Variants in MYT1L observed in about 807,000 individuals in gnomAD.
MYT1L encodes myelin transcription factor 1 like, also known as myelin transcription factor 1-like protein.
MYT1L carries 12 observed loss-of-function variants against 126.7 expected under a neutral mutation model. The ratio of observed to expected loss-of-function variants is 0.09; its 90% CI spans 0.06 to 0.15. The LOEUF (loss-of-function observed/expected upper bound fraction) is 0.15. Ranked by LOEUF, MYT1L falls within the 10% of genes least tolerant of loss-of-function variation. The pLI, the probability that MYT1L is intolerant of heterozygous loss-of-function variation, is 1.00. For missense variants in MYT1L, 979 were observed against 1,585.2 expected, an observed-to-expected ratio of 0.62 and a Z score of 6.49; for synonymous variants, 541 against 604.2, an observed-to-expected ratio of 0.90 and a Z score of 1.53.
At chr2:2,115,761 C>T (rs575189856) in intron 3 of MYT1L, among the ~76,000 whole-genome samples, 12 of 152,290 alleles carry the variant, frequency 7.9e-5, no homozygotes, top group African/African-American at 2.6e-4. Flanking sequence ...GTGGGGACAG[C>T]GGGAGAGCTG....
At chr2:2,121,017 A>AC (rs1298974406) in intron 3 of MYT1L, among the ~76,000 whole-genome samples, 2 of 152,144 alleles carry the variant, frequency 1.3e-5, no homozygotes, top group Non-Finnish European at 2.9e-5. Flanking sequence ...GCGCGGAGGA[A>AC]CCAGCGCCCA....
At chr2:1,871,116 A>C (rs528579751) in intron 18 of MYT1L, among the ~76,000 whole-genome samples, 1 of 152,378 alleles carries the variant, frequency 6.6e-6, no homozygotes, top group East Asian at 1.9e-4. Flanking sequence ...GAGTCGGTCT[A>C]ATCCGTGGCC....
intron 1 of MYT1L, among the ~76,000 whole-genome samples, chr2:2,301,649 T>G (rs1290631227): frequency 1.3e-5 from 2 of 151,968 alleles, no homozygotes; most frequent in East Asian, 1.9e-4. Context: ...GGCATTATAG[T>G]GAGACCCCAT....
At chr2:2,274,158 C>T (rs1037003349) in intron 2 of MYT1L, among the ~76,000 whole-genome samples, 2 of 152,080 alleles carry the variant, frequency 1.3e-5, no homozygotes, top group African/African-American at 4.8e-5. Context: ...ATGTTCCCAA[C>T]ACAGAAATGA....
chr2:2,226,225 G>A (rs781459349), intron 2 of MYT1L, among the ~76,000 whole-genome samples: 35 of 152,156 alleles, frequency 2.3e-4, no homozygotes, highest in Non-Finnish European at 4.6e-4. Context: ...GCCTGCCAGG[G>A]TGTTTGCTGA....
chr2:2,198,498 ATG>A (rs1482242473), intron 2 of MYT1L, among the ~76,000 whole-genome samples: 1 of 152,190 alleles, frequency 6.6e-6, no homozygotes, highest in Non-Finnish European at 1.5e-5. Context: ...TCATGATACT[ATG>A]TATATACGCA....
chr2:2,199,171 T>C (rs1055561913), intron 2 of MYT1L, among the ~76,000 whole-genome samples: 24 of 152,224 alleles, frequency 1.6e-4, no homozygotes, highest in Admixed American at 4.6e-4. Context: ...TTTACAAACA[T>C]TGTCCTTAAT....
chr2:1,793,553 C>T lies in MYT1L; in HGVS notation c.3277-1089G>A, dbSNP rs2032708308. 6.6e-6 allele frequency among the ~76,000 whole-genome samples: 1 copy of T among 152,204 alleles called. No individual in the cohort carries two copies. The highest frequency in any genetic ancestry group is 1.5e-5 in the Non-Finnish European group (1 of 68,046). Reference sequence around the variant, plus strand: ...CTGCCTTCTCCTATGTTCTGGCCCTCCCTTGGCTGTACTGGGTCAAATCCC... The same window carrying T: ...CTGCCTTCTCCTATGTTCTGGCCCTTCCTTGGCTGTACTGGGTCAAATCCC... On this transcript the variant is annotated intron_variant, in intron 23 of 24. Transcript: ENST00000647738. The surrounding 1 kb of genome is among the most constrained non-coding windows in gnomAD (Gnocchi z 4.6).
chr2:1,863,744 G>T (rs1411477440), intron 18 of MYT1L, among the ~76,000 whole-genome samples: 1 of 150,524 alleles, frequency 6.6e-6, no homozygotes, highest in Non-Finnish European at 1.5e-5. Flanking sequence ...ACAAAAAAGG[G>T]GGGGGCATTT....
At chr2:2,115,687 G>A (rs1330446385) in intron 3 of MYT1L, among the ~76,000 whole-genome samples, 3 of 152,240 alleles carry the variant, frequency 2.0e-5, no homozygotes, top group African/African-American at 7.2e-5. Context: ...TCTGTGGCTC[G>A]GTCTTGTGCG....
chr2:2,286,678 G>T (rs1031989438), intron 1 of MYT1L, among the ~76,000 whole-genome samples: 1 of 152,080 alleles, frequency 6.6e-6, no homozygotes, highest in Non-Finnish European at 1.5e-5. Context: ...GGCCTCACAT[G>T]GTTTGCTACA....
At chr2:2,042,632 T>A (rs1419613019) in intron 4 of MYT1L, among the ~76,000 whole-genome samples, 1 of 151,986 alleles carries the variant, frequency 6.6e-6, no homozygotes, top group Non-Finnish European at 1.5e-5. Flanking sequence ...GGCAGAAATT[T>A]AAAAGGGCCT....
intron 4 of MYT1L, among the ~76,000 whole-genome samples, chr2:2,029,263 C>A (rs989288742): frequency 1.3e-5 from 2 of 152,144 alleles, no homozygotes; most frequent in African/African-American, 4.8e-5. Context: ...GTGTATTCAT[C>A]CATTCGCATG....
chr2:2,176,301 C>A (rs2090762522), intron 2 of MYT1L, among the ~76,000 whole-genome samples: 3 of 152,064 alleles, frequency 2.0e-5, no homozygotes, highest in Admixed American at 2.0e-4. Flanking sequence ...TAAAATCACC[C>A]TTCTCGTTTT....
In MYT1L at chr2:1,811,073, G is replaced by C. The variant is rs574332399; in HGVS notation, c.3081-1906C>G. On this transcript the variant is annotated intron_variant, in intron 21 of 24. Coordinates refer to ENST00000647738, the MANE Select transcript of MYT1L (RefSeq NM_001303052.2). This position sits in a 1 kb window ranked among gnomAD's most constrained non-coding sequence, Gnocchi z 4.4. ...TAACCCCTTCTCCCATGTGAGGACA[G>C]AGTGAGAAGGCGTCGTCCACCAACC... is the stretch of plus-strand genomic sequence containing the variant. 9 of 152,296 alleles carry C rather than the reference G, an allele frequency of 5.9e-5. No homozygotes were observed. The East Asian group carries it at 1.7e-3, about 29-fold the overall frequency. 9.4% of individuals were successfully genotyped at this position (152,296 alleles called of 1,614,324 possible).
At chr2:1,844,141 C>CG (rs1161062423) in intron 19 of MYT1L, among the ~76,000 whole-genome samples, 1 of 152,092 alleles carries the variant, frequency 6.6e-6, no homozygotes, top group East Asian at 1.9e-4. Context: ...CTGTGCCCCA[C>CG]GGGGTCCTCT....
intron 5 of MYT1L, among the ~76,000 whole-genome samples, chr2:1,984,154 C>A (rs2060825189): frequency 1.3e-5 from 2 of 152,164 alleles, no homozygotes; most frequent in South Asian, 4.1e-4. Flanking sequence ...TCTTCCTTCT[C>A]TTTTCCTTCC....
At chr2:2,169,640 A>T (rs2089703647) in intron 3 of MYT1L, among the ~76,000 whole-genome samples, 1 of 151,578 alleles carries the variant, frequency 6.6e-6, no homozygotes, top group African/African-American at 2.4e-5. Flanking sequence ...GTTTTTTTTT[A>T]AATTCACATG....
chr2:1,980,683 T>C (rs964296597), intron 5 of MYT1L, among the ~76,000 whole-genome samples: 3 of 152,148 alleles, frequency 2.0e-5, no homozygotes, highest in Non-Finnish European at 2.9e-5. Context: ...ACCACCTGAG[T>C]TACCCAAGAT....
Sources: allele counts gnomAD v4.1 joint callset (sites outside exome capture counted in the v4.1 genomes callset), GRCh38; gene constraint gnomAD v4.1.1; non-coding constraint Gnocchi (gnomAD v3.1); transcripts MANE v1.5; gene names NCBI Gene and HGNC (gene_info 2026-07-23, HGNC 2026-07-21).